TTC28: variants seen among roughly 807,000 people sequenced by gnomAD.
The protein encoded by TTC28 is tetratricopeptide repeat protein 28.
TTC28 carries 61 observed loss-of-function variants against 198.0 expected under a neutral mutation model. That is an observed-to-expected ratio of 0.31 (90% CI 0.25 to 0.38). TTC28 has a LOEUF of 0.38. Among genes scored for constraint, TTC28 ranks in the 10% least tolerant of loss-of-function variants. The pLI is 1.00. For missense variants in TTC28, 2,678 were observed against 3,164.0 expected (o/e 0.85, Z 3.69); for synonymous variants, 1,171 against 1,297.8 (o/e 0.90, Z 2.10).
chr22:28,104,750 C>T (rs942561314), intron 8 of TTC28, among the ~76,000 whole-genome samples: 1 of 152,132 alleles, frequency 6.6e-6, no homozygotes, highest in Non-Finnish European at 1.5e-5. Flanking sequence ...TGCTTGAGTA[C>T]CCCTCAGACT....
At position 28,296,343 on chromosome 22, in the gene TTC28, GA is replaced by G. The variant is rs747128323; in HGVS notation, c.803-16del. 6.6e-3 allele frequency: 7,304 copies of G among 1,100,248 alleles called. No individual in the cohort carries two copies. The highest frequency in any genetic ancestry group is 0.017 in the South Asian group (849 of 49,994). 68.2% of individuals were successfully genotyped at this position (1,100,248 alleles called of 1,614,324 possible). A position where few individuals can be genotyped will look rare whatever the true frequency, so the allele number is the denominator to read the frequency against. ...TGTCTGGTCACCTGGATTGAATTGAGAAAAAAAAAAAGAAAAAATTTCTCTA... is the reference window on the plus strand; with the variant it reads ...TGTCTGGTCACCTGGATTGAATTGAGAAAAAAAAAAGAAAAAATTTCTCTA... On this transcript the variant is annotated splice_polypyrimidine_tract_variant and intron_variant, in intron 4 of 22. Transcript: ENST00000397906.
At chr22:28,408,819 T>TACC (rs1224146689) in intron 2 of TTC28, among the ~76,000 whole-genome samples, 1 of 152,256 alleles carries the variant, frequency 6.6e-6, no homozygotes, top group Non-Finnish European at 1.5e-5. Context: ...AGTCTTGAAC[T>TACC]ACCACATCTG....
At chr22:28,126,318 G>A (rs956714712) in intron 6 of TTC28, among the ~76,000 whole-genome samples, 1 of 152,186 alleles carries the variant, frequency 6.6e-6, no homozygotes, top group African/African-American at 2.4e-5. Flanking sequence ...GTTGGCCACG[G>A]AGAACTACGA....
chr22:28,551,111 T>C (rs1322373403), intron 2 of TTC28, among the ~76,000 whole-genome samples: 1 of 152,042 alleles, frequency 6.6e-6, no homozygotes, highest in Non-Finnish European at 1.5e-5. Flanking sequence ...ACAATAATAG[T>C]GAGGGACTTT....
chr22:28,182,832 G>T (rs552866038), intron 5 of TTC28, among the ~76,000 whole-genome samples: 1 of 152,248 alleles, frequency 6.6e-6, no homozygotes, highest in East Asian at 1.9e-4. Context: ...TTTACAGCTG[G>T]AAGAGGCCTT....
At chr22:28,276,022 CTT>C (rs960713044) in intron 5 of TTC28, among the ~76,000 whole-genome samples, 3 of 146,444 alleles carry the variant, frequency 2.0e-5, no homozygotes, top group Non-Finnish European at 4.5e-5. Context: ...ATTTTTTTTT[CTT>C]TTTTTTTTAG....
chr22:28,141,900 T>C (rs537418685), intron 6 of TTC28, among the ~76,000 whole-genome samples: 1 of 152,212 alleles, frequency 6.6e-6, no homozygotes, highest in Non-Finnish European at 1.5e-5. Flanking sequence ...GATTCATTTA[T>C]TACACCAAAA....
chr22:28,396,596 C>T (rs756384322), intron 2 of TTC28, among the ~76,000 whole-genome samples: 1 of 152,124 alleles, frequency 6.6e-6, no homozygotes, highest in Non-Finnish European at 1.5e-5. Flanking sequence ...CCAAGGGAAC[C>T]TTTACTTCCA....
intron 12 of TTC28, among the ~76,000 whole-genome samples, chr22:28,066,289 TGTGTGTGTGTGTGTG>T (rs1379965413): frequency 2.0e-5 from 3 of 150,896 alleles, no homozygotes; most frequent in Non-Finnish European, 4.4e-5. Context: ...TGTGTGTGTG[TGTGTGTGTGTGTGTG>T]GTGTGTGTGT....
chr22:28,014,512 G>T, intron 13 of TTC28, 120 bp from the exon 14 acceptor site: 1 of 1,142,432 alleles, frequency 8.8e-7, no homozygotes, highest in Non-Finnish European at 1.2e-6. Context: ...CAGCAACCCC[G>T]CCAGCCTCCC....
At chr22:28,602,202 G>C (rs979587986) in intron 2 of TTC28, among the ~76,000 whole-genome samples, 4 of 152,172 alleles carry the variant, frequency 2.6e-5, no homozygotes, top group Admixed American at 2.6e-4. Flanking sequence ...GAACCCAAGA[G>C]TGGTCAAAAT....
intron 3 of TTC28, among the ~76,000 whole-genome samples, chr22:28,303,091 T>C (rs1051554742): frequency 1.3e-5 from 2 of 152,220 alleles, no homozygotes; most frequent in Admixed American, 6.5e-5. Context: ...GTTTTTAGAT[T>C]GCCAAATTAA....
chr22:28,629,037 A>C (rs1376654910), intron 2 of TTC28, among the ~76,000 whole-genome samples: 1 of 152,174 alleles, frequency 6.6e-6, no homozygotes, highest in Non-Finnish European at 1.5e-5. Flanking sequence ...CTGAAAATAA[A>C]GTATATATAA....
At chr22:28,608,603 C>T (rs1288501652) in intron 2 of TTC28, among the ~76,000 whole-genome samples, 1 of 152,160 alleles carries the variant, frequency 6.6e-6, no homozygotes, top group Non-Finnish European at 1.5e-5. Flanking sequence ...ATGTGCAGTA[C>T]TGTGTGCATT....
At chr22:28,619,257 G>A (rs2050951916) in intron 2 of TTC28, among the ~76,000 whole-genome samples, 1 of 152,096 alleles carries the variant, frequency 6.6e-6, no homozygotes, top group Non-Finnish European at 1.5e-5. Context: ...TGTGCTACGT[G>A]CCTAACATTT....
chr22:28,536,198 C>CAAAAAA (rs59506221), intron 2 of TTC28, among the ~76,000 whole-genome samples: 6 of 64,390 alleles, frequency 9.3e-5, no homozygotes, highest in Non-Finnish European at 1.2e-4. Context: ...GACACCGTCT[C>CAAAAAA]AAAAAAAAAA....
chr22:28,115,609 C>T (rs1942608480), intron 6 of TTC28, among the ~76,000 whole-genome samples: 2 of 152,242 alleles, frequency 1.3e-5, no homozygotes, highest in Admixed American at 6.5e-5. Flanking sequence ...TAGGAGGATG[C>T]AGATGTAATC....
chr22:27,986,912 A>C (rs1440691542), intron 21 of TTC28, among the ~76,000 whole-genome samples: 2 of 152,222 alleles, frequency 1.3e-5, no homozygotes, highest in Non-Finnish European at 2.9e-5. Context: ...AATGAATAGT[A>C]TCAATGTAAT....
chr22:28,146,541 CT>C (rs2147002249), intron 6 of TTC28, among the ~76,000 whole-genome samples: 1 of 152,312 alleles, frequency 6.6e-6, no homozygotes, highest in African/African-American at 2.4e-5. Flanking sequence ...TCTGAAATTT[CT>C]GGTTAAACTC....
Sources: allele counts gnomAD v4.1 joint callset (sites outside exome capture counted in the v4.1 genomes callset), GRCh38; gene constraint gnomAD v4.1.1; transcripts MANE v1.5; gene names NCBI Gene and HGNC (gene_info 2026-07-23, HGNC 2026-07-21).